The following ERC2 variants were observed in gnomAD, a reference collection of about 807,000 sequenced individuals.
ERC2 encodes ELKS/RAB6-interacting/CAST family member 2, also known as ERC protein 2.
A neutral mutation model predicts 114.8 loss-of-function variants in ERC2; 42 were observed. The observed-to-expected ratio is 0.37, with a 90% CI of 0.29 to 0.47. ERC2 has a LOEUF of 0.47. Ranked by LOEUF, ERC2 falls within the 20% of genes least tolerant of loss-of-function variation. ERC2 has a pLI of 0.99. For missense variants in ERC2, 939 were observed against 1,150.7 expected (o/e 0.82, Z 2.66); for synonymous variants, 454 against 425.5 (o/e 1.07, Z -0.82).
intron 14 of ERC2, among the ~76,000 whole-genome samples, chr3:55,838,854 T>C (rs1430278985): frequency 6.6e-6 from 1 of 151,842 alleles, no homozygotes; most frequent in Non-Finnish European, 1.5e-5. Flanking sequence ...AACCAGTTTC[T>C]TAAAAGAAAC....
rs575602510 is a variant in ERC2 at position 56,336,454 on chromosome 3, T to C, written c.658-40019A>G. 5.9e-5 allele frequency among the ~76,000 whole-genome samples: 9 copies of C among 152,182 alleles called. No homozygotes were observed. In the South Asian group the frequency reaches 1.7e-3, roughly 28 times the overall value. On this transcript the variant is annotated intron_variant, in intron 2 of 17. Transcript: ENST00000288221. Reference sequence around the variant, plus strand: ...TATAGGCTGCTATCATGACGATGAATGGGGGTGTGGTGATGAATGCAGATG... The same window carrying C: ...TATAGGCTGCTATCATGACGATGAACGGGGGTGTGGTGATGAATGCAGATG...
At chr3:56,014,841 T>C (rs576978308) in intron 8 of ERC2, among the ~76,000 whole-genome samples, 42 of 152,276 alleles carry the variant, frequency 2.8e-4, no homozygotes, top group South Asian at 1.9e-3. Flanking sequence ...TAAGCAGTAA[T>C]AGTTTTTGAA....
At chr3:55,784,982 T>G (rs1180729025) in intron 14 of ERC2, among the ~76,000 whole-genome samples, 2 of 152,162 alleles carry the variant, frequency 1.3e-5, no homozygotes, top group East Asian at 3.9e-4. Context: ...TTTAAAGGCA[T>G]AACCGAAGAT....
chr3:56,063,932 A>G (rs1426815367), intron 7 of ERC2, among the ~76,000 whole-genome samples: 1 of 152,194 alleles, frequency 6.6e-6, no homozygotes, highest in African/African-American at 2.4e-5. Flanking sequence ...ATACTCATCT[A>G]TAACATCATG....
intron 14 of ERC2, among the ~76,000 whole-genome samples, chr3:55,813,015 T>G (rs535578116): frequency 6.6e-6 from 1 of 152,358 alleles, no homozygotes; most frequent in South Asian, 2.1e-4. Context: ...ACTTTCTTAT[T>G]TCAATTCTCA....
At chr3:55,548,573 A>G (rs1267052136) in intron 17 of ERC2, among the ~76,000 whole-genome samples, 1 of 152,160 alleles carries the variant, frequency 6.6e-6, no homozygotes, top group Non-Finnish European at 1.5e-5. Context: ...CCACACAGAC[A>G]TACGTGTGTC....
chr3:55,867,197 A>G (rs1243164458), intron 14 of ERC2, among the ~76,000 whole-genome samples: 3 of 146,704 alleles, frequency 2.0e-5, no homozygotes, highest in Non-Finnish European at 4.5e-5. Context: ...TCCCTTATTT[A>G]CTTCCAAATT....
chr3:55,590,178 G>A (rs903154723), intron 17 of ERC2, among the ~76,000 whole-genome samples: 58 of 152,152 alleles, frequency 3.8e-4, no homozygotes, highest in Admixed American at 3.1e-3. Context: ...AAATCTAAGT[G>A]AAGTAAAAAG....
At chr3:56,467,248 G>C (rs2063586372) in intron 1 of ERC2, 1 of 152,176 alleles carries the variant, frequency 6.6e-6, no homozygotes, top group African/African-American at 2.4e-5. Context: ...TTGGTTCTTT[G>C]GGTTCCACCG....
intron 6 of ERC2, among the ~76,000 whole-genome samples, chr3:56,107,872 T>C (rs2078755175): frequency 6.6e-6 from 1 of 152,164 alleles, no homozygotes; most frequent in South Asian, 2.1e-4. Context: ...ATGTTTTCCA[T>C]ATAAGATATA....
chr3:56,458,812 A>G (rs1190359412), intron 1 of ERC2, among the ~76,000 whole-genome samples: 2 of 152,146 alleles, frequency 1.3e-5, no homozygotes, highest in Non-Finnish European at 2.9e-5. Context: ...AAGGAAAGAA[A>G]AGACATCAAA....
At chr3:56,219,329 G>T (rs1250552661) in intron 3 of ERC2, among the ~76,000 whole-genome samples, 1 of 151,742 alleles carries the variant, frequency 6.6e-6, no homozygotes, top group Non-Finnish European at 1.5e-5. Context: ...TCTTAGGTGG[G>T]ACAATAATGA....
chr3:55,662,333 C>T (rs925750785), intron 17 of ERC2, among the ~76,000 whole-genome samples: 2 of 152,214 alleles, frequency 1.3e-5, no homozygotes, highest in African/African-American at 4.8e-5. Flanking sequence ...TGCCCATTAA[C>T]TGTGAGTGGC....
chr3:56,417,202 G>A (rs1422186163), intron 2 of ERC2, among the ~76,000 whole-genome samples: 1 of 152,044 alleles, frequency 6.6e-6, no homozygotes, highest in East Asian at 1.9e-4. Context: ...ATCTTTCTTT[G>A]GGCAACATAA....
rs192178946 is a variant in ERC2 at position 55,769,723 on chromosome 3, G to C, written c.2565-34805C>G. On this transcript the variant is annotated intron_variant, in intron 14 of 17. Transcript: ENST00000288221. Reference sequence around the variant, plus strand: ...GTTACTATATCTGAGTGCCATAAAAGACGGTATTCATCCACAAGCCACAGA... The same window carrying C: ...GTTACTATATCTGAGTGCCATAAAACACGGTATTCATCCACAAGCCACAGA... Among the ~76,000 whole-genome samples the C allele has an allele frequency of 2.3e-3, 345 of 152,158 alleles. 2 individuals carry two copies. The highest frequency in any genetic ancestry group is 5.1e-3 in the Admixed American group (78 of 15,288).
chr3:55,549,410 G>C (rs1198925970), intron 17 of ERC2, among the ~76,000 whole-genome samples: 2 of 151,658 alleles, frequency 1.3e-5, no homozygotes, highest in Non-Finnish European at 2.9e-5. Flanking sequence ...TGTCTCCCAG[G>C]CAGCTCTCCG....
intron 2 of ERC2, among the ~76,000 whole-genome samples, chr3:56,304,078 T>A (rs2056071002): frequency 6.6e-6 from 1 of 151,902 alleles, no homozygotes; most frequent in Non-Finnish European, 1.5e-5. Flanking sequence ...GAAAAGTGAC[T>A]CTCCAAAATT....
At chr3:55,801,616 C>T (rs2071057556) in intron 14 of ERC2, among the ~76,000 whole-genome samples, 1 of 152,130 alleles carries the variant, frequency 6.6e-6, no homozygotes, top group South Asian at 2.1e-4. Flanking sequence ...ACCAACTGAC[C>T]AGATACCCAG....
chr3:56,234,947 C>T (rs1197756633), intron 3 of ERC2, among the ~76,000 whole-genome samples: 1 of 152,164 alleles, frequency 6.6e-6, no homozygotes, highest in Non-Finnish European at 1.5e-5. Context: ...CACATTCAAA[C>T]CATAGCAGGT....
Sources: allele counts gnomAD v4.1 joint callset (sites outside exome capture counted in the v4.1 genomes callset), GRCh38; gene constraint gnomAD v4.1.1; transcripts MANE v1.5; gene names NCBI Gene and HGNC (gene_info 2026-07-23, HGNC 2026-07-21).